Variants in SFSWAP observed in about 807,000 individuals in gnomAD.
SFSWAP encodes splicing factor SWAP, also known as splicing factor, suppressor of white-apricot homolog.
Under a neutral mutation model 100.7 loss-of-function variants are expected in SFSWAP, and 17 were observed. The observed-to-expected ratio is 0.17, with a 90% CI of 0.12 to 0.25. SFSWAP has a LOEUF of 0.25. Among genes scored for constraint, SFSWAP ranks in the 10% least tolerant of loss-of-function variants. SFSWAP has a pLI of 1.00. For missense variants in SFSWAP, 1,005 were observed against 1,262.6 expected (o/e 0.80, Z 3.09); for synonymous variants, 504 against 510.1 (o/e 0.99, Z 0.16).
intron 12 of SFSWAP, 127 bp from the exon 13 acceptor site, chr12:131,765,991 A>G (rs1263214510): frequency 1.3e-5 from 11 of 865,056 alleles, no homozygotes; most frequent in East Asian, 1.2e-4. Context: ...GATTTGTCCA[A>G]TGTATGTACC....
In SFSWAP at chr12:131,714,624, C is replaced by A; in HGVS notation, c.389-198C>A. 1.7e-6 allele frequency: 1 copy of A among 575,918 alleles called. No individual in the cohort carries two copies. Among genetic ancestry groups the A allele is most frequent in the Non-Finnish European group, 3.0e-6 (1 of 330,752 alleles). 35.7% of individuals were successfully genotyped at this position (575,918 alleles called of 1,614,324 possible). ...TTTTCCACAAAAGACGTGTATTCAG[C>A]TGTCTGTGGGTAAACATGTACTGAC... On this transcript the variant is annotated intron_variant, in intron 2 of 17. Coordinates refer to ENST00000261674, the MANE Select transcript of SFSWAP (RefSeq NM_004592.4). This position sits in a 1 kb window ranked among gnomAD's most constrained non-coding sequence, Gnocchi z 6.0.
At chr12:131,798,366 G>A (rs1885825346) in intron 16 of SFSWAP, among the ~76,000 whole-genome samples, 1 of 152,112 alleles carries the variant, frequency 6.6e-6, no homozygotes, top group Non-Finnish European at 1.5e-5. Context: ...TGCGGGGAGG[G>A]GGTGTTGGCT....
rs1035125630 is a variant in SFSWAP at position 131,778,429 on chromosome 12, G to A, written c.2408+99G>A. 3.3e-6 allele frequency: 5 copies of A among 1,519,686 alleles called. No homozygotes were observed. Among genetic ancestry groups the A allele is most frequent in the Admixed American group, 2.3e-5 (1 of 44,330 alleles). 94.1% of individuals were successfully genotyped at this position (1,519,686 alleles called of 1,614,324 possible). A position where few individuals can be genotyped will look rare whatever the true frequency, so the allele number is the denominator to read the frequency against. On this transcript the variant is annotated intron_variant, in intron 14 of 17. Coordinates refer to ENST00000261674, the MANE Select transcript of SFSWAP (RefSeq NM_004592.4). The surrounding 1 kb of genome is among the most constrained non-coding windows in gnomAD (Gnocchi z 4.2). Reference sequence around the variant, plus strand: ...AGGTAGAACGTTTAAAATCAGTGCCGCTTTCATTAAGCAGACGCGTGTATG... The same window carrying A: ...AGGTAGAACGTTTAAAATCAGTGCCACTTTCATTAAGCAGACGCGTGTATG...
At chr12:131,773,339 AT>A (rs571059933) in intron 13 of SFSWAP, among the ~76,000 whole-genome samples, 1 of 151,630 alleles carries the variant, frequency 6.6e-6, no homozygotes, top group Non-Finnish European at 1.5e-5. Context: ...GATTCCACAA[AT>A]TTTTTTTCTT....
At chr12:131,743,069 A>T (rs1400182089) in intron 7 of SFSWAP, among the ~76,000 whole-genome samples, 1 of 152,104 alleles carries the variant, frequency 6.6e-6, no homozygotes, top group African/African-American at 2.4e-5. Context: ...TAATTCAGTC[A>T]CCTCCCACCA....
chr12:131,744,705 A>G (rs1041608403), intron 7 of SFSWAP, among the ~76,000 whole-genome samples: 4 of 152,214 alleles, frequency 2.6e-5, no homozygotes, highest in South Asian at 2.1e-4. Flanking sequence ...CAGTACCCCA[A>G]TTCTGGTACC....
intron 7 of SFSWAP, among the ~76,000 whole-genome samples, chr12:131,747,989 G>A (rs1383443103): frequency 2.0e-5 from 3 of 152,146 alleles, no homozygotes; most frequent in Non-Finnish European, 2.9e-5. Flanking sequence ...GGCCGCTGCC[G>A]AGGAAGAGCC....
chr12:131,760,625 C>T (rs1402775370), intron 11 of SFSWAP, among the ~76,000 whole-genome samples: 2 of 152,086 alleles, frequency 1.3e-5, no homozygotes, highest in South Asian at 2.1e-4. Flanking sequence ...GATGTCTATA[C>T]ATGGATGTTC....
At chr12:131,748,729 G>T (rs1170729157) in intron 7 of SFSWAP, among the ~76,000 whole-genome samples, 1 of 152,254 alleles carries the variant, frequency 6.6e-6, no homozygotes, top group African/African-American at 2.4e-5. Context: ...AGAGGAGGCA[G>T]TATTGGAGAA....
intron 17 of SFSWAP, 137 bp downstream of exon 17, chr12:131,799,246 G>GGGTGA: frequency 1.0e-6 from 1 of 1,004,402 alleles, no homozygotes; most frequent in Non-Finnish European, 1.5e-6. Context: ...CACAGGCTCT[G>GGGTGA]GGTGAGGCCG....
chr12:131,776,642 G>A (rs1021185892), intron 13 of SFSWAP, among the ~76,000 whole-genome samples: 6 of 152,262 alleles, frequency 3.9e-5, no homozygotes, highest in African/African-American at 1.2e-4. Context: ...CACAGATGCC[G>A]TCCTGCGCAC....
intron 11 of SFSWAP, 83 bp downstream of exon 11, chr12:131,756,727 G>A (rs770288775): frequency 3.8e-5 from 48 of 1,257,708 alleles, no homozygotes; most frequent in Non-Finnish European, 4.7e-5. Context: ...CAGACTCAGC[G>A]CCCTCACCTG....
intron 11 of SFSWAP, among the ~76,000 whole-genome samples, chr12:131,760,811 C>A (rs1421016755): frequency 6.6e-6 from 1 of 152,130 alleles, no homozygotes. Context: ...TGGTGGCTCA[C>A]GCTTGTAATC....
chr12:131,719,851 T>C (rs1003380666), intron 4 of SFSWAP, among the ~76,000 whole-genome samples: 1 of 152,350 alleles, frequency 6.6e-6, no homozygotes. Context: ...GCGAGTGGGC[T>C]GCTCCCCACA....
At chr12:131,738,602 A>G (rs2136204087) in intron 7 of SFSWAP, among the ~76,000 whole-genome samples, 1 of 152,338 alleles carries the variant, frequency 6.6e-6, no homozygotes, top group Admixed American at 6.5e-5. Context: ...TCAGTTCTGA[A>G]AAAAGGTTAG....
intron 15 of SFSWAP, among the ~76,000 whole-genome samples, chr12:131,795,552 C>T (rs1885576724): frequency 6.6e-6 from 1 of 152,132 alleles, no homozygotes; most frequent in Non-Finnish European, 1.5e-5. Flanking sequence ...AGACTCTGAG[C>T]ACAGCCCCAG....
rs990051914 is a variant in SFSWAP, at chr12:131,794,547, A to C, written c.2535-2631A>C. Reference sequence around the variant, plus strand: ...GGGAAACTGAGAAACAAACAACAGAAAACCAAGAAGCCAAACCAACAAACA... The same window carrying C: ...GGGAAACTGAGAAACAAACAACAGACAACCAAGAAGCCAAACCAACAAACA... On this transcript the variant is annotated intron_variant, in intron 15 of 17. Transcript: ENST00000261674. This position sits in a 1 kb window ranked among gnomAD's most constrained non-coding sequence, Gnocchi z 4.8. Among the ~76,000 whole-genome samples, 10 of 152,100 alleles carry C rather than the reference A, an allele frequency of 6.6e-5. No individual in the cohort carries two copies. The highest frequency in any genetic ancestry group is 2.4e-4 in the African/African-American group (10 of 41,404).
rs1275601262 is a variant in SFSWAP, at chr12:131,730,771, G to A, written c.1081+2343G>A. Among the ~76,000 whole-genome samples, 4 of 152,132 alleles carry A rather than the reference G, an allele frequency of 2.6e-5. No individual in the cohort carries two copies. Among genetic ancestry groups the A allele is most frequent in the African/African-American group, 9.7e-5 (4 of 41,430 alleles). On this transcript the variant is annotated intron_variant, in intron 7 of 17. Transcript: ENST00000261674. The surrounding 1 kb of genome is among the most constrained non-coding windows in gnomAD (Gnocchi z 4.0). Reference sequence around the variant, plus strand: ...ACTACCACCACCCTGGGCACTGACGGCACCCCACCCTATCCTCCCAACTGC... The same window carrying A: ...ACTACCACCACCCTGGGCACTGACGACACCCCACCCTATCCTCCCAACTGC...
intron 14 of SFSWAP, chr12:131,784,690 A>G (rs1368162870): frequency 6.3e-6 from 1 of 157,768 alleles, no homozygotes; most frequent in Non-Finnish European, 1.4e-5. Flanking sequence ...CAATATGAGA[A>G]GCCTAATTAA....
Sources: gnomAD v4.1 joint callset for allele counts (sites outside exome capture counted in the v4.1 genomes callset) on GRCh38, gnomAD v4.1.1 for gene constraint, Gnocchi (gnomAD v3.1) non-coding constraint, MANE v1.5 for transcripts, NCBI Gene and HGNC (gene_info 2026-07-23, HGNC 2026-07-21) for gene names.